PCLO: variants seen among roughly 807,000 people sequenced by gnomAD.
PCLO encodes piccolo presynaptic cytomatrix protein, also known as protein piccolo.
Under a neutral mutation model 427.5 loss-of-function variants are expected in PCLO, and 82 were observed. The ratio of observed to expected loss-of-function variants is 0.19; its 90% CI spans 0.16 to 0.23. PCLO has a LOEUF of 0.23. Among genes scored for constraint, PCLO ranks in the 10% least tolerant of loss-of-function variants. PCLO has a pLI of 1.00. For synonymous variants in PCLO, 2,357 were observed against 2,155.4 expected, an observed-to-expected ratio of 1.09 and a Z score of -2.59; for missense variants, 6,239 against 6,115.9, an observed-to-expected ratio of 1.02 and a Z score of -0.67.
intron 3 of PCLO, among the ~76,000 whole-genome samples, chr7:83,121,786 A>C (rs955731038): frequency 6.6e-6 from 1 of 152,200 alleles, no homozygotes; most frequent in Admixed American, 6.5e-5. Flanking sequence ...GAAGGTAATA[A>C]TATAATGATA....
At chr7:82,787,425 A>C (rs1791008562) in intron 22 of PCLO, among the ~76,000 whole-genome samples, 1 of 152,108 alleles carries the variant, frequency 6.6e-6, no homozygotes, top group African/African-American at 2.4e-5. Context: ...CAGGTTTTTA[A>C]ATAACTCAAT....
intron 20 of PCLO, among the ~76,000 whole-genome samples, chr7:82,807,828 C>T (rs1791485973): frequency 6.6e-6 from 1 of 151,864 alleles, no homozygotes; most frequent in Non-Finnish European, 1.5e-5. Context: ...ACTAATTGAA[C>T]TGAATGCTGT....
chr7:83,067,760 T>C (rs777863686), intron 3 of PCLO, among the ~76,000 whole-genome samples: 3 of 152,246 alleles, frequency 2.0e-5, no homozygotes, highest in Non-Finnish European at 2.9e-5. Context: ...ATCATCTTTA[T>C]ACCTTTTCTT....
intron 3 of PCLO, among the ~76,000 whole-genome samples, chr7:83,103,219 A>T (rs2116494555): frequency 6.6e-6 from 1 of 152,004 alleles, no homozygotes. Context: ...ACTGTAATCT[A>T]CTCCAATCTA....
intron 3 of PCLO, among the ~76,000 whole-genome samples, chr7:83,059,609 A>G (rs1789494439): frequency 6.6e-6 from 1 of 152,032 alleles, no homozygotes; most frequent in Admixed American, 6.6e-5. Flanking sequence ...ACCAATCTCC[A>G]TGCATTATTG....
intron 3 of PCLO, among the ~76,000 whole-genome samples, chr7:82,998,710 C>T (rs537847741): frequency 6.6e-6 from 1 of 151,898 alleles, no homozygotes; most frequent in African/African-American, 2.4e-5. Flanking sequence ...CACCACATTA[C>T]TAAAGGCCTA....
At chr7:82,863,645 G>C (rs1793020608) in intron 10 of PCLO, among the ~76,000 whole-genome samples, 3 of 151,940 alleles carry the variant, frequency 2.0e-5, no homozygotes. Flanking sequence ...GAAGAAAACA[G>C]TTTAACAGCA....
intron 3 of PCLO, among the ~76,000 whole-genome samples, chr7:83,020,077 C>T (rs546250095): frequency 5.3e-5 from 8 of 152,072 alleles, no homozygotes; most frequent in Non-Finnish European, 7.4e-5. Flanking sequence ...ATTAGACCAC[C>T]GACTTAACTT....
At chr7:82,936,324 C>T (rs940975674) in intron 6 of PCLO, among the ~76,000 whole-genome samples, 1 of 151,268 alleles carries the variant, frequency 6.6e-6, no homozygotes, top group Non-Finnish European at 1.5e-5. Context: ...CAAAAATTAA[C>T]CAACAAAAAG....
At chr7:82,834,370 G>A (rs1249684837) in intron 16 of PCLO, among the ~76,000 whole-genome samples, 2 of 152,120 alleles carry the variant, frequency 1.3e-5, no homozygotes, top group Non-Finnish European at 2.9e-5. Context: ...CTATCACAGC[G>A]TCAGTTACAT....
At chr7:83,013,272 C>T (rs1562918642) in intron 3 of PCLO, among the ~76,000 whole-genome samples, 1 of 152,096 alleles carries the variant, frequency 6.6e-6, no homozygotes, top group Non-Finnish European at 1.5e-5. Flanking sequence ...TTCAGTTTGG[C>T]AAAATATATG....
chr7:82,953,837 A>T lies in PCLO; in HGVS notation c.7116T>A (p.Pro2372=). ...GACTGCCAGATGGTAACTGAGATGCAGGTTTTTCCTGACCAAAGGTCTCTC... is the reference window on the plus strand; with the variant it reads ...GACTGCCAGATGGTAACTGAGATGCTGGTTTTTCCTGACCAAAGGTCTCTC... ...TSGETFGQEK[P]ASQLPSGSPS... The change falls in exon 5 of 25, where the codon CCT becomes CCA. Residue 2372 remains proline, a synonymous_variant. Coordinates refer to ENST00000333891, the MANE Select transcript of PCLO (RefSeq NM_033026.6). 2 of 1,613,030 alleles carry T rather than the reference A, an allele frequency of 1.2e-6. No individual in the cohort carries two copies. Among genetic ancestry groups the T allele is most frequent in the Non-Finnish European group, 1.7e-6 (2 of 1,179,328 alleles).
intron 3 of PCLO, among the ~76,000 whole-genome samples, chr7:83,042,754 C>T (rs925402908): frequency 1.4e-4 from 21 of 151,978 alleles, no homozygotes; most frequent in African/African-American, 4.4e-4. Context: ...CCCAACTACT[C>T]GGGAGGCTGA....
chr7:83,007,153 T>C (rs1296464881), intron 3 of PCLO, among the ~76,000 whole-genome samples: 1 of 151,538 alleles, frequency 6.6e-6, no homozygotes, highest in African/African-American at 2.4e-5. Context: ...CTTAAATTAG[T>C]AATTTGTCTT....
intron 6 of PCLO, among the ~76,000 whole-genome samples, chr7:82,940,038 C>A (rs1165307970): frequency 6.6e-6 from 1 of 152,076 alleles, no homozygotes; most frequent in Non-Finnish European, 1.5e-5. Context: ...TACTAAATGT[C>A]ATTTTAAGAG....
chr7:83,137,008 C>A (rs1243803198), intron 2 of PCLO, among the ~76,000 whole-genome samples: 2 of 152,084 alleles, frequency 1.3e-5, no homozygotes, highest in Admixed American at 1.3e-4. Context: ...ACGTTCTCCA[C>A]CCAAGGTAAC....
chr7:83,067,476 AT>A (rs1583979546), intron 3 of PCLO, among the ~76,000 whole-genome samples: 1 of 151,944 alleles, frequency 6.6e-6, no homozygotes, highest in South Asian at 2.1e-4. Flanking sequence ...TTTAGAAAGA[AT>A]TTTTTCTTGA....
At chr7:83,020,680 A>T (rs1448679879) in intron 3 of PCLO, among the ~76,000 whole-genome samples, 2 of 152,168 alleles carry the variant, frequency 1.3e-5, no homozygotes, top group Non-Finnish European at 2.9e-5. Flanking sequence ...TAAATTACCC[A>T]GTCTGTAGTA....
chr7:82,766,995 A>G (rs901251639), intron 22 of PCLO, among the ~76,000 whole-genome samples: 2 of 152,096 alleles, frequency 1.3e-5, no homozygotes, highest in Non-Finnish European at 2.9e-5. Flanking sequence ...GTCCATTGCT[A>G]CCTCTTATAT....
Sources: gnomAD v4.1 joint callset for allele counts (sites outside exome capture counted in the v4.1 genomes callset) on GRCh38, gnomAD v4.1.1 for gene constraint, MANE v1.5 for transcripts, NCBI Gene and HGNC (gene_info 2026-07-23, HGNC 2026-07-21) for gene names.